Variants in ZFHX3 observed in about 807,000 individuals in gnomAD.
ZFHX3 encodes the protein zinc finger homeobox 3.
A neutral mutation model predicts 279.1 loss-of-function variants in ZFHX3; 42 were observed. The ratio of observed to expected loss-of-function variants is 0.15; its 90% CI spans 0.12 to 0.19. ZFHX3 has a LOEUF of 0.19. ZFHX3 is among the 10% of genes least tolerant of loss of function. The probability of loss-of-function intolerance (pLI) is 1.00; values close to 1 mark genes in which losing one functional copy is unlikely to be tolerated. For missense variants in ZFHX3, 4,981 were observed against 4,754.0 expected, an observed-to-expected ratio of 1.05 and a Z score of -1.40; for synonymous variants, 2,293 against 1,957.8, an observed-to-expected ratio of 1.17 and a Z score of -4.52.
At chr16:73,420,473 G>A (rs1357758176) in intron 3 of ZFHX3, among the ~76,000 whole-genome samples, 1 of 152,060 alleles carries the variant, frequency 6.6e-6, no homozygotes, top group African/African-American at 2.4e-5. Context: ...TGGCATTATC[G>A]GGTAGATGCC....
chr16:73,635,258 G>A (rs1308778925), intron 2 of ZFHX3, among the ~76,000 whole-genome samples: 1 of 152,084 alleles, frequency 6.6e-6, no homozygotes, highest in Admixed American at 6.6e-5. Flanking sequence ...TTTACTGGTG[G>A]GAATAGGCAC....
At chr16:73,232,739 G>A (rs1322265827) in intron 5 of ZFHX3, 6 of 152,212 alleles carry the variant, frequency 3.9e-5, no homozygotes, top group Admixed American at 6.5e-5. Context: ...CGGCAGCAGT[G>A]AGGTAAAACA....
At chr16:72,805,947 T>A (rs1203563094) in intron 7 of ZFHX3, 1 of 152,366 alleles carries the variant, frequency 6.6e-6, no homozygotes, top group East Asian at 1.9e-4. Flanking sequence ...TGGAGTGCAG[T>A]GGCACAACCA....
chr16:73,061,320 A>G (rs937159695), upstream of ZFHX3: 2 of 150,966 alleles, frequency 1.3e-5, no homozygotes, highest in African/African-American at 4.9e-5. Flanking sequence ...GCCCTGGACA[A>G]TGGGGAACTC....
chr16:73,373,855 T>C (rs940675944), intron 3 of ZFHX3, among the ~76,000 whole-genome samples: 1 of 152,338 alleles, frequency 6.6e-6, no homozygotes, highest in Middle Eastern at 3.4e-3. Context: ...AGACTATTAA[T>C]GATTGTGCAA....
At chr16:72,869,955 CT>C (rs1440461378) in intron 4 of ZFHX3, among the ~76,000 whole-genome samples, 1 of 152,182 alleles carries the variant, frequency 6.6e-6, no homozygotes, top group Non-Finnish European at 1.5e-5. Context: ...AACACGCTTT[CT>C]TTTTTGGCAT....
chr16:72,910,137 T>C (rs1338504760), intron 3 of ZFHX3, among the ~76,000 whole-genome samples: 2 of 152,148 alleles, frequency 1.3e-5, no homozygotes, highest in Admixed American at 6.5e-5. Context: ...ACCACAGGAA[T>C]AAGGGTTAAG....
intron 2 of ZFHX3, among the ~76,000 whole-genome samples, chr16:73,566,962 G>C (rs2020460786): frequency 6.6e-6 from 1 of 152,128 alleles, no homozygotes; most frequent in Admixed American, 6.5e-5. Flanking sequence ...GCCTCCCAAA[G>C]TGTTGGGATT....
At chr16:73,065,869 A>T (rs561449473) in intron 8 of ZFHX3, among the ~76,000 whole-genome samples, 2 of 152,372 alleles carry the variant, frequency 1.3e-5, no homozygotes, top group African/African-American at 4.8e-5. Context: ...AAGGCAAAAA[A>T]TTTCCGATTC....
chr16:73,515,597 A>G (rs1008674930), intron 2 of ZFHX3, among the ~76,000 whole-genome samples: 1 of 152,066 alleles, frequency 6.6e-6, no homozygotes, highest in African/African-American at 2.4e-5. Context: ...AGAGAGAGGA[A>G]GAGAGGGAGA....
At chr16:72,791,056 A>C (rs1439655783) in intron 9 of ZFHX3, 2 of 152,218 alleles carry the variant, frequency 1.3e-5, no homozygotes, top group Non-Finnish European at 2.9e-5. Flanking sequence ...GATCAGAATC[A>C]GGCAAGGTAC....
At chr16:73,096,957 C>T (rs941906737) in intron 7 of ZFHX3, among the ~76,000 whole-genome samples, 8 of 152,120 alleles carry the variant, frequency 5.3e-5, no homozygotes, top group African/African-American at 1.2e-4. Flanking sequence ...TGTAAAGAAA[C>T]GGCCACAGGG....
At chr16:73,267,388 C>T (rs2014006309) in intron 4 of ZFHX3, among the ~76,000 whole-genome samples, 3 of 152,010 alleles carry the variant, frequency 2.0e-5, no homozygotes, top group South Asian at 2.1e-4. Context: ...TAGGTTTCAG[C>T]GGGGAGAGTA....
intron 2 of ZFHX3, among the ~76,000 whole-genome samples, chr16:73,639,062 C>T (rs1339576495): frequency 2.0e-5 from 3 of 152,006 alleles, no homozygotes; most frequent in Non-Finnish European, 2.9e-5. Context: ...CTAACAGAAG[C>T]CATACAGAAA....
At chr16:73,817,517 T>G (rs1960607523) in intron 1 of ZFHX3, among the ~76,000 whole-genome samples, 2 of 152,180 alleles carry the variant, frequency 1.3e-5, no homozygotes, top group African/African-American at 4.8e-5. Context: ...ACGGCGAGTC[T>G]TAAAATCGCG....
At chr16:72,848,176 G>A (rs984546966) in intron 4 of ZFHX3, among the ~76,000 whole-genome samples, 1 of 152,124 alleles carries the variant, frequency 6.6e-6, no homozygotes, top group Admixed American at 6.5e-5. Flanking sequence ...GAGGGCAGGC[G>A]CTCAGGCCTG....
chr16:73,733,541 C>T (rs1383804227), intron 1 of ZFHX3, among the ~76,000 whole-genome samples: 1 of 152,120 alleles, frequency 6.6e-6, no homozygotes, highest in Non-Finnish European at 1.5e-5. Flanking sequence ...TGAAAAAAGA[C>T]TTCAATATAG....
intron 1 of ZFHX3, among the ~76,000 whole-genome samples, chr16:73,847,964 T>A (rs191335845): frequency 5.0e-4 from 73 of 147,184 alleles, no homozygotes; most frequent in Admixed American, 4.8e-4. Flanking sequence ...TTTCACCATA[T>A]TGGCCAGACT....
At chr16:73,474,570 G>T (rs2143611344) in intron 2 of ZFHX3, among the ~76,000 whole-genome samples, 1 of 152,348 alleles carries the variant, frequency 6.6e-6, no homozygotes, top group East Asian at 1.9e-4. Context: ...GGGGGTGGCA[G>T]TGGAGGCAGC....
Sources: allele counts gnomAD v4.1 joint callset (sites outside exome capture counted in the v4.1 genomes callset), GRCh38; gene constraint gnomAD v4.1.1; transcripts MANE v1.5; gene names NCBI Gene and HGNC (gene_info 2026-07-23, HGNC 2026-07-21).